Variants in ANK3 observed in about 807,000 individuals in gnomAD.
ANK3 encodes the protein ankyrin-3.
ANK3 carries 57 observed loss-of-function variants against 370.9 expected under a neutral mutation model. The observed-to-expected ratio is 0.15, with a 90% CI of 0.12 to 0.19. The LOEUF is 0.19. ANK3 is among the 10% of genes least tolerant of loss of function. ANK3 has a pLI of 1.00. For synonymous variants in ANK3, 1,929 were observed against 1,946.3 expected (o/e 0.99, Z 0.23); for missense variants, 4,439 against 5,302.1 (o/e 0.84, Z 5.06).
At chr10:60,688,625 G>A (rs1481103618) in intron 1 of ANK3, among the ~76,000 whole-genome samples, 1 of 152,192 alleles carries the variant, frequency 6.6e-6, no homozygotes, top group African/African-American at 2.4e-5. Context: ...GAGGGATTAA[G>A]TCACTTGCCC....
intron 1 of ANK3, among the ~76,000 whole-genome samples, chr10:60,387,696 T>C (rs957548725): frequency 7.2e-5 from 11 of 152,314 alleles, no homozygotes; most frequent in South Asian, 6.2e-4. Context: ...GAGATTTACA[T>C]TGGACAGACT....
chr10:60,102,888 C>T (rs2091517050), intron 28 of ANK3, among the ~76,000 whole-genome samples: 2 of 152,078 alleles, frequency 1.3e-5, no homozygotes, highest in South Asian at 4.1e-4. Flanking sequence ...GGGTCACTTG[C>T]CACAGATGAC....
intron 25 of ANK3, among the ~76,000 whole-genome samples, chr10:60,125,650 T>C (rs10821683): frequency 0.083 from 12,639 of 152,144 alleles, 533 homozygotes; most frequent in South Asian, 0.17. Context: ...GTGAAAGAAA[T>C]AGCAAGGTTA....
At chr10:60,360,603 G>C (rs1265839192) in intron 1 of ANK3, among the ~76,000 whole-genome samples, 1 of 152,088 alleles carries the variant, frequency 6.6e-6, no homozygotes, top group Non-Finnish European at 1.5e-5. Flanking sequence ...CAGCTACTGG[G>C]AAGGCTGAGA....
At chr10:60,235,550 G>GTTTTTTTTT (rs72388493) in intron 7 of ANK3, among the ~76,000 whole-genome samples, 62 of 115,056 alleles carry the variant, frequency 5.4e-4, no homozygotes, top group Non-Finnish European at 6.2e-4. Context: ...CTGATTTCTT[G>GTTTTTTTTT]TTTTTTTTTT....
At chr10:60,363,079 C>G (rs117443225) in intron 1 of ANK3, among the ~76,000 whole-genome samples, 7 of 61,062 alleles carry the variant, frequency 1.1e-4, no homozygotes, top group Non-Finnish European at 1.9e-4. Flanking sequence ...TTGCGGCGGG[C>G]GGGCGGGGGA....
chr10:60,036,250 T>C (rs563515970), intron 43 of ANK3, among the ~76,000 whole-genome samples: 4 of 152,206 alleles, frequency 2.6e-5, no homozygotes, highest in East Asian at 1.9e-4. Context: ...CCCACTGTTA[T>C]ATTCTAGCCA....
intron 26 of ANK3, among the ~76,000 whole-genome samples, chr10:60,113,676 C>T (rs964397926): frequency 1.3e-5 from 2 of 152,162 alleles, no homozygotes; most frequent in African/African-American, 4.8e-5. Flanking sequence ...CACCACTGCA[C>T]TCCAGCCTGG....
At chr10:60,125,273 C>T (rs1395439796) in intron 25 of ANK3, among the ~76,000 whole-genome samples, 1 of 152,104 alleles carries the variant, frequency 6.6e-6, no homozygotes, top group East Asian at 1.9e-4. Context: ...GGATTGATTT[C>T]AAGACAATCT....
intron 2 of ANK3, among the ~76,000 whole-genome samples, chr10:60,586,681 T>C (rs943505499): frequency 3.3e-5 from 5 of 152,228 alleles, no homozygotes; most frequent in African/African-American, 1.2e-4. Context: ...ACAATATCTA[T>C]ACCATAGATA....
At chr10:60,076,981 A>G (rs747952712) in intron 36 of ANK3, among the ~76,000 whole-genome samples, 1 of 152,220 alleles carries the variant, frequency 6.6e-6, no homozygotes, top group Non-Finnish European at 1.5e-5. Context: ...ATTTCAATAT[A>G]TGTAGCTATA....
intron 17 of ANK3, among the ~76,000 whole-genome samples, chr10:60,181,838 T>G (rs2096199966): frequency 6.6e-6 from 1 of 152,154 alleles, no homozygotes; most frequent in African/African-American, 2.4e-5. Flanking sequence ...TTATACTGTC[T>G]TAGCACTGTG....
At chr10:60,693,583 T>C (rs1290703900) in intron 1 of ANK3, among the ~76,000 whole-genome samples, 12 of 152,114 alleles carry the variant, frequency 7.9e-5, no homozygotes, top group Non-Finnish European at 1.5e-5. Flanking sequence ...CTAAAGTGGG[T>C]CCCTGACCCC....
Position 60,504,497 on chromosome 10 carries a change from G to A in ANK3, c.96+110689C>T, listed in dbSNP as rs537467943. 2.0e-5 allele frequency among the ~76,000 whole-genome samples: 3 copies of A among 152,232 alleles called. No homozygotes were observed. In the South Asian group the frequency reaches 6.2e-4, roughly 32 times the overall value. On this transcript the variant is annotated intron_variant, in intron 2 of 43. Transcript: ENST00000373827. Reference sequence around the variant, plus strand: ...AAAAGGCTTTTTTCCCCCCCAGAATGTAATTACTTTTGAATATTGCAGCAA... The same window carrying A: ...AAAAGGCTTTTTTCCCCCCCAGAATATAATTACTTTTGAATATTGCAGCAA...
chr10:60,349,862 G>A (rs2056499975), intron 1 of ANK3, among the ~76,000 whole-genome samples: 1 of 152,202 alleles, frequency 6.6e-6, no homozygotes, highest in African/African-American at 2.4e-5. Flanking sequence ...GAAGTGAGTG[G>A]AGACTTAGAG....
chr10:60,615,092 A>C, intron 2 of ANK3: 2 of 806,712 alleles, frequency 2.5e-6, no homozygotes, highest in Non-Finnish European at 1.8e-6. Context: ...CATCTCCTGT[A>C]AATAATTCAT....
chr10:60,193,992 A>G (rs2096541781), intron 16 of ANK3, among the ~76,000 whole-genome samples: 1 of 151,870 alleles, frequency 6.6e-6, no homozygotes, highest in South Asian at 2.1e-4. Context: ...GTGGTGGCAC[A>G]CACCTGTAAT....
chr10:60,512,195 T>C (rs1367305604), intron 2 of ANK3, among the ~76,000 whole-genome samples: 1 of 151,742 alleles, frequency 6.6e-6, no homozygotes, highest in East Asian at 1.9e-4. Context: ...GGGAAGTAAA[T>C]AAAACAAAAC....
intron 1 of ANK3, among the ~76,000 whole-genome samples, chr10:60,682,627 G>A (rs549412855): frequency 2.0e-5 from 3 of 152,186 alleles, no homozygotes; most frequent in Admixed American, 1.3e-4. Context: ...TTCCTGGTTA[G>A]GGTCCTACCC....
Sources: gnomAD v4.1 joint callset for allele counts (sites outside exome capture counted in the v4.1 genomes callset) on GRCh38, gnomAD v4.1.1 for gene constraint, MANE v1.5 for transcripts, NCBI Gene and HGNC (gene_info 2026-07-23, HGNC 2026-07-21) for gene names.